Variants in TNS4 observed in about 807,000 individuals in gnomAD.
TNS4 encodes tensin-4.
TNS4 carries 46 observed loss-of-function variants against 70.4 expected under a neutral mutation model. That is an observed-to-expected ratio of 0.65 (90% confidence interval 0.52 to 0.84). The LOEUF is 0.84. Among genes scored for constraint, TNS4 ranks in the 40% least tolerant of loss-of-function variants. TNS4 has a pLI of 0.00. For missense variants in TNS4, 863 were observed against 907.0 expected, an observed-to-expected ratio of 0.95 and a Z score of 0.62; for synonymous variants, 390 against 366.6, an observed-to-expected ratio of 1.06 and a Z score of -0.73.
In TNS4 at chr17:40,477,549, C is replaced by G; in HGVS notation, c.*39G>C. On this transcript the variant is annotated 3_prime_UTR_variant, in exon 13 of 13. Coordinates refer to ENST00000254051, the MANE Select transcript of TNS4 (RefSeq NM_032865.6). ...GGTGGAGGGGGGCTCCTTAGCGAGCCCCTGGAGGTGTTGGTTAGGTGCACA... is the reference window on the plus strand; with the variant it reads ...GGTGGAGGGGGGCTCCTTAGCGAGCGCCTGGAGGTGTTGGTTAGGTGCACA... 6.2e-7 allele frequency: 1 copy of G among 1,611,042 alleles called. No individual in the cohort carries two copies. The highest frequency in any genetic ancestry group is 1.7e-4 in the Middle Eastern group (1 of 6,052).
chr17:40,478,637 C>T lies in TNS4; in HGVS notation c.1922G>A (p.Arg641Gln), dbSNP rs368874171. 3.6e-5 allele frequency: 58 copies of T among 1,614,102 alleles called. No homozygotes were observed. The highest frequency in any genetic ancestry group is 9.3e-5 in the African/African-American group (7 of 75,038). Residue 641 changes from arginine to glutamine, a missense_variant, in exon 11 of 13, where the codon CGG (arginine) becomes CAG (glutamine). Transcript: ENST00000254051. ...GAGGGTGGTGAGTGGGTAATGGCGC[C>T]GGAAAAACACCCTAGGAGGAGGCGG... ...LTDVQRKVFF[R>Q]RHYPLTTLRF...
chr17:40,477,869 T>A, intron 12 of TNS4, 140 bp from the exon 13 acceptor site: 1 of 737,488 alleles, frequency 1.4e-6, no homozygotes, highest in South Asian at 1.8e-5. Flanking sequence ...AGCACCTCCT[T>A]ATGGTGGGGC....
chr17:40,478,242 G>GC, intron 12 of TNS4, 65 bp downstream of exon 12: 1 of 1,594,296 alleles, frequency 6.3e-7, no homozygotes, highest in Non-Finnish European at 8.6e-7. Flanking sequence ...TCAGAATGGT[G>GC]CCTCTTTCCT....
Position 40,488,866 on chromosome 17 carries a change from A to G in TNS4, c.543T>C (p.Ser181=). 1 of 1,613,380 alleles carries G rather than the reference A, an allele frequency of 6.2e-7. No homozygotes were observed. Among genetic ancestry groups the G allele is most frequent in the Non-Finnish European group, 8.5e-7 (1 of 1,179,846 alleles). ...CGTCTCTGGAAAGGAGGAGGCCACC[A>G]CTGCGAAGGGAGCCGAAGGGCGGGG... ...SVTPPFGSLR[S]GGLLLSRDVP... is the part of the protein sequence containing the mutation. Residue 181 remains serine (S), a synonymous_variant, in exon 3 of 13, where the codon AGT becomes AGC. Transcript: ENST00000254051.
At chr17:40,500,702 G>A (rs927847404) in intron 1 of TNS4, among the ~76,000 whole-genome samples, 1 of 152,206 alleles carries the variant, frequency 6.6e-6, no homozygotes, top group African/African-American at 2.4e-5. Flanking sequence ...GGTGGGGCAA[G>A]GGTAAAGCCT....
intron 12 of TNS4, 169 bp from the exon 13 acceptor site, chr17:40,477,898 C>T (rs1012312360): frequency 7.8e-6 from 5 of 640,010 alleles, no homozygotes; most frequent in African/African-American, 7.3e-5. Flanking sequence ...GAAGGAGATG[C>T]CTCTCCCGTC....
At chr17:40,482,795 T>A (rs1379359918) in intron 6 of TNS4, among the ~76,000 whole-genome samples, 1 of 151,336 alleles carries the variant, frequency 6.6e-6, no homozygotes, top group Non-Finnish European at 1.5e-5. Context: ...AAAAAAAAAA[T>A]TCCACCTTGT....
chr17:40,501,271 A>ACC (rs2036211684), intron 1 of TNS4, among the ~76,000 whole-genome samples: 1 of 152,006 alleles, frequency 6.6e-6, no homozygotes, highest in Non-Finnish European at 1.5e-5. Context: ...ACATGGTGAA[A>ACC]CCGCGTCTCT....
Position 40,487,160 on chromosome 17 carries a change from G to A in TNS4, c.1164C>T (p.Pro388=). 6.2e-7 allele frequency: 1 copy of A among 1,614,196 alleles called. No individual in the cohort carries two copies. Among genetic ancestry groups the A allele is most frequent in the East Asian group, 2.2e-5 (1 of 44,888 alleles). ...AGTTCTGGTGTCCTGGGGTCCGCTG[G>A]GGTGGAGAAGACCCTGGTTCTGGGC... ...NGCPEPGSSP[P]QRTPGHQNSV... The change falls in exon 4 of 13, where the codon CCC becomes CCT. Residue 388 remains proline, a synonymous_variant. Coordinates refer to ENST00000254051, the MANE Select transcript of TNS4 (RefSeq NM_032865.6).
chr17:40,487,347 C>T lies in TNS4; in HGVS notation c.977G>A (p.Cys326Tyr). The change falls in exon 4 of 13, where the codon TGT becomes TAT. Residue 326 changes from cysteine to tyrosine, a missense_variant. Physicochemically the swap from Cys to Tyr is radical, Grantham distance 194 (BLOSUM62 -2). Coordinates refer to ENST00000254051, the MANE Select transcript of TNS4 (RefSeq NM_032865.6). ...SLHSLGSVSL[C>Y]TRPSDFQAPR... Reference sequence around the variant, plus strand: ...AGCCTGGAAGTCACTGGGTCTTGTACACAGGGACACTGAGCCAAGGCTGTG... The same window carrying T: ...AGCCTGGAAGTCACTGGGTCTTGTATACAGGGACACTGAGCCAAGGCTGTG... The T allele has an allele frequency of 6.2e-7, 1 of 1,614,150 alleles. No homozygotes were observed. The highest frequency in any genetic ancestry group is 8.5e-7 in the Non-Finnish European group (1 of 1,180,024).
intron 2 of TNS4, among the ~76,000 whole-genome samples, chr17:40,491,950 A>G (rs1302376351): frequency 6.6e-6 from 1 of 152,148 alleles, no homozygotes; most frequent in African/African-American, 2.4e-5. Context: ...GGCCTGTTCC[A>G]AAGATGGGGT....
intron 1 of TNS4, among the ~76,000 whole-genome samples, chr17:40,498,994 T>C (rs1258931435): frequency 1.3e-5 from 2 of 152,158 alleles, no homozygotes; most frequent in African/African-American, 2.4e-5. Flanking sequence ...TAATTCCTTA[T>C]GCTAAGGGAG....
At chr17:40,492,426 T>C (rs2036085131) in intron 2 of TNS4, among the ~76,000 whole-genome samples, 1 of 151,854 alleles carries the variant, frequency 6.6e-6, no homozygotes, top group Admixed American at 6.6e-5. Flanking sequence ...TGGATTACAG[T>C]GGCGGGATCT....
chr17:40,488,762 G>A lies in TNS4; in HGVS notation c.647C>T (p.Pro216Leu). 6.2e-7 allele frequency: 1 copy of A among 1,607,808 alleles called. No homozygotes were observed. Among genetic ancestry groups the A allele is most frequent in the Non-Finnish European group, 8.5e-7 (1 of 1,177,600 alleles). The change falls in exon 3 of 13, where the codon CCC becomes CTC. Residue 216 changes from proline to leucine, a missense_variant. Pro to Leu is a moderately conservative substitution (Grantham distance 98). Coordinates refer to ENST00000254051, the MANE Select transcript of TNS4 (RefSeq NM_032865.6). ...NQGRGHQRPL[P>L]PSEGLSPRPP... The stretch of plus-strand genomic sequence containing the variant: ...TCGAGGGGAGAGACCCTCTGAGGGG[G>A]GCAGAGGGCGCTGGTGCCCCCTGCC...
Position 40,476,396 on chromosome 17 carries a change from G to GTT in TNS4, c.*1191_*1192insAA. On this transcript the variant is annotated 3_prime_UTR_variant, in exon 13 of 13. Transcript: ENST00000254051. ...TGTGTGTGTGTGTGTGTGTGTGTGT[G>GTT]TGTGTGTGTGTGTGTGTGTGTGTGT... is the stretch of plus-strand genomic sequence containing the variant. 6.7e-6 allele frequency: 1 copy of GTT among 149,390 alleles called. No individual in the cohort carries two copies. Among genetic ancestry groups the GTT allele is most frequent in the Admixed American group, 6.8e-5 (1 of 14,772 alleles). 9.3% of individuals were successfully genotyped at this position (149,390 alleles called of 1,614,324 possible). A position where few individuals can be genotyped will look rare whatever the true frequency, so the allele number is the denominator to read the frequency against.
chr17:40,494,454 G>A (rs1397976483), intron 2 of TNS4, among the ~76,000 whole-genome samples: 1 of 152,192 alleles, frequency 6.6e-6, no homozygotes, highest in East Asian at 1.9e-4. Flanking sequence ...ATATTCGGCA[G>A]GGTGTGGTGA....
rs1449443580 is a variant in TNS4, at chr17:40,477,694, G to A, written c.2042C>T (p.Pro681Leu). The part of the protein sequence containing the change: ...FGFVAKSQTE[P>L]QENVCHLFAE... ...AAAGAGGTGGCATACGTTCTCCTGAGGCTCTGTCTGGCTCTTGGCCACAAA... is the reference window on the plus strand; with the variant it reads ...AAAGAGGTGGCATACGTTCTCCTGAAGCTCTGTCTGGCTCTTGGCCACAAA... The change falls in exon 13 of 13, where the codon CCT becomes CTT. Residue 681 changes from proline to leucine, a missense_variant. Pro to Leu is a moderately conservative substitution (Grantham distance 98). Transcript: ENST00000254051. 2 of 1,614,082 alleles carry A rather than the reference G, an allele frequency of 1.2e-6. No homozygotes were observed. Among genetic ancestry groups the A allele is most frequent in the South Asian group, 2.2e-5 (2 of 91,082 alleles).
At chr17:40,482,542 G>A (rs556325427) in intron 6 of TNS4, 126 bp from the exon 7 acceptor site, 21 of 733,546 alleles carry the variant, frequency 2.9e-5, no homozygotes, top group Admixed American at 2.0e-4. Context: ...TCAGGAGTTC[G>A]AGATCAGCCT....
chr17:40,494,667 G>T (rs1597700167), intron 2 of TNS4, among the ~76,000 whole-genome samples: 1 of 151,776 alleles, frequency 6.6e-6, no homozygotes, highest in Non-Finnish European at 1.5e-5. Context: ...GGGAGGTGGA[G>T]GTTGCAGTGA....
Sources: gnomAD v4.1 joint callset for allele counts (sites outside exome capture counted in the v4.1 genomes callset) on GRCh38, gnomAD v4.1.1 for gene constraint, MANE v1.5 for transcripts, NCBI Gene and HGNC (gene_info 2026-07-23, HGNC 2026-07-21) for gene names.